COL19A1: variants seen among roughly 807,000 people sequenced by gnomAD.
COL19A1 encodes the protein collagen alpha-1(XIX) chain.
In COL19A1, 159 loss-of-function variants were observed where a neutral mutation model predicts 190.2. The observed-to-expected ratio is 0.84, with a 90% CI of 0.73 to 0.95. COL19A1 has a LOEUF of 0.95. COL19A1 is among the 40% of genes least tolerant of loss of function. The pLI, the probability that COL19A1 is intolerant of heterozygous loss-of-function variation, is 0.00. For missense variants in COL19A1, 1,418 were observed against 1,431.9 expected (o/e 0.99, Z 0.16); for synonymous variants, 509 against 458.9 (o/e 1.11, Z -1.39).
At chr6:70,033,444 GT>G (rs201983736) in intron 12 of COL19A1, among the ~76,000 whole-genome samples, 9 of 149,848 alleles carry the variant, frequency 6.0e-5, no homozygotes, top group Middle Eastern at 3.2e-3. Context: ...GAAAAAAGAA[GT>G]TTTTTTTTTC....
rs937205693 is a variant in COL19A1 at position 70,021,220 on chromosome 6, T to C, written c.1027-2407T>C. Among the ~76,000 whole-genome samples, 3 of 152,164 alleles carry C rather than the reference T, an allele frequency of 2.0e-5. No individual in the cohort carries two copies. The East Asian group carries it at 5.8e-4, about 29-fold the overall frequency. ...CTAGGAATCAATTTTAAGCAGTATG[T>C]TTCTTCTTTAGTCTTCTGCCACATC... On this transcript the variant is annotated intron_variant, in intron 11 of 50. Coordinates refer to ENST00000620364, the MANE Select transcript of COL19A1 (RefSeq NM_001858.6).
chr6:69,975,060 G>A (rs1775640198), intron 11 of COL19A1, among the ~76,000 whole-genome samples: 1 of 152,012 alleles, frequency 6.6e-6, no homozygotes, highest in Admixed American at 6.6e-5. Flanking sequence ...TGATCCACCT[G>A]TCTCGGCCTC....
intron 16 of COL19A1, among the ~76,000 whole-genome samples, chr6:70,105,647 G>C (rs1197973766): frequency 2.6e-5 from 4 of 152,076 alleles, no homozygotes; most frequent in Non-Finnish European, 4.4e-5. Context: ...TTTATGACAT[G>C]CATCTTACTT....
chr6:70,081,211 A>C (rs1443289420), intron 15 of COL19A1, among the ~76,000 whole-genome samples: 4 of 152,162 alleles, frequency 2.6e-5, no homozygotes, highest in African/African-American at 9.7e-5. Flanking sequence ...TTTAATCTTT[A>C]ATCTTTTATT....
chr6:70,073,409 AC>A (rs1337359088), intron 15 of COL19A1, among the ~76,000 whole-genome samples: 2 of 152,202 alleles, frequency 1.3e-5, no homozygotes, highest in Admixed American at 1.3e-4. Context: ...AATAACGCCT[AC>A]CCCACAGGGC....
At chr6:69,930,218 A>G (rs536423697) in intron 6 of COL19A1, among the ~76,000 whole-genome samples, 3 of 152,284 alleles carry the variant, frequency 2.0e-5, no homozygotes, top group African/African-American at 4.8e-5. Context: ...ATGTATTAGT[A>G]GGTCATTTGA....
intron 19 of COL19A1, among the ~76,000 whole-genome samples, chr6:70,140,083 A>G (rs1663185719): frequency 1.3e-5 from 2 of 152,088 alleles, no homozygotes; most frequent in African/African-American, 4.8e-5. Context: ...TATAGAAATC[A>G]ACCACTATTA....
intron 14 of COL19A1, among the ~76,000 whole-genome samples, chr6:70,050,380 T>C (rs1035464704): frequency 2.6e-5 from 4 of 152,074 alleles, no homozygotes; most frequent in Non-Finnish European, 4.4e-5. Context: ...TCCTTCATCT[T>C]AAGAAAACTA....
At chr6:70,123,282 G>A (rs1028331698) in intron 17 of COL19A1, among the ~76,000 whole-genome samples, 4 of 151,966 alleles carry the variant, frequency 2.6e-5, no homozygotes, top group African/African-American at 4.8e-5. Context: ...CAGTTAGAAT[G>A]GCAATCATTA....
intron 17 of COL19A1, among the ~76,000 whole-genome samples, chr6:70,126,555 C>T (rs772791876): frequency 4.6e-5 from 7 of 152,216 alleles, no homozygotes; most frequent in Non-Finnish European, 5.9e-5. Flanking sequence ...TCCACACTTG[C>T]GGCTGGTGAA....
intron 24 of COL19A1, among the ~76,000 whole-genome samples, chr6:70,144,519 T>C (rs1786482144): frequency 6.6e-6 from 1 of 152,220 alleles, no homozygotes; most frequent in African/African-American, 2.4e-5. Flanking sequence ...CCAATCCTGG[T>C]ATAAACCTAA....
chr6:69,936,512 T>C (rs567553988), intron 7 of COL19A1, among the ~76,000 whole-genome samples: 13 of 152,238 alleles, frequency 8.5e-5, no homozygotes, highest in African/African-American at 1.9e-4. Flanking sequence ...TCTGTACTTA[T>C]CAAAAAGTTA....
intron 11 of COL19A1, among the ~76,000 whole-genome samples, chr6:69,965,008 A>T (rs999590478): frequency 6.6e-6 from 1 of 152,190 alleles, no homozygotes; most frequent in African/African-American, 2.4e-5. Context: ...CTTGTAGTTC[A>T]CTTTATTTCT....
At chr6:70,079,690 A>G (rs886142535) in intron 15 of COL19A1, among the ~76,000 whole-genome samples, 1 of 152,190 alleles carries the variant, frequency 6.6e-6, no homozygotes, top group Non-Finnish European at 1.5e-5. Flanking sequence ...GTTTCTTAGC[A>G]TGTCTGTGTT....
intron 48 of COL19A1, 140 bp from the exon 49 acceptor site, chr6:70,199,468 C>A: frequency 1.7e-6 from 1 of 579,238 alleles, no homozygotes; most frequent in Non-Finnish European, 2.7e-6. Context: ...AAAAACTCAG[C>A]AGTCAGACCA....
intron 25 of COL19A1, 95 bp from the exon 26 acceptor site, chr6:70,146,564 A>C (rs559004932): frequency 4.2e-4 from 360 of 850,172 alleles, no homozygotes; most frequent in Non-Finnish European, 5.3e-4. Context: ...TATTCAAGCA[A>C]GATGAAGAGT....
intron 4 of COL19A1, among the ~76,000 whole-genome samples, chr6:69,916,431 A>T (rs1771314490): frequency 6.6e-6 from 1 of 152,070 alleles, no homozygotes; most frequent in East Asian, 1.9e-4. Context: ...AATATTCCTG[A>T]TTTTTTTTCA....
At chr6:69,940,905 A>G (rs1228398383) in intron 9 of COL19A1, among the ~76,000 whole-genome samples, 5 of 152,154 alleles carry the variant, frequency 3.3e-5, no homozygotes, top group Non-Finnish European at 7.4e-5. Context: ...CTATTGCACT[A>G]TGTGATCTTG....
At chr6:70,172,247 G>A (rs1765542734) in intron 41 of COL19A1, among the ~76,000 whole-genome samples, 1 of 152,128 alleles carries the variant, frequency 6.6e-6, no homozygotes, top group South Asian at 2.1e-4. Context: ...AGAAAAAGTA[G>A]AATGGGTTAA....
Sources: allele counts gnomAD v4.1 joint callset (sites outside exome capture counted in the v4.1 genomes callset), GRCh38; gene constraint gnomAD v4.1.1; transcripts MANE v1.5; gene names NCBI Gene and HGNC (gene_info 2026-07-23, HGNC 2026-07-21).